MIER2: variants seen among roughly 807,000 people sequenced by gnomAD.
MIER2 encodes MIER family member 2, also known as mesoderm induction early response protein 2.
In MIER2, 30 loss-of-function variants were observed where a neutral mutation model predicts 67.6. The ratio of observed to expected loss-of-function variants is 0.44; its 90% CI spans 0.33 to 0.60. The LOEUF is 0.60. Among genes scored for constraint, MIER2 ranks in the 20% least tolerant of loss-of-function variants. The pLI, the probability that MIER2 is intolerant of heterozygous loss-of-function variation, is 0.02. For synonymous variants in MIER2, 372 were observed against 312.6 expected, an observed-to-expected ratio of 1.19 and a Z score of -2.00; for missense variants, 702 against 745.1, an observed-to-expected ratio of 0.94 and a Z score of 0.67.
chr19:311,215 G>A (rs1600114611), intron 10 of MIER2, among the ~76,000 whole-genome samples: 1 of 152,256 alleles, frequency 6.6e-6, no homozygotes, highest in Non-Finnish European at 1.5e-5. Flanking sequence ...CAGAGGCGGA[G>A]AAGCCACTGG....
intron 1 of MIER2, among the ~76,000 whole-genome samples, chr19:339,809 G>A (rs1240707139): frequency 2.6e-5 from 4 of 152,096 alleles, no homozygotes; most frequent in Non-Finnish European, 4.4e-5. Context: ...GAAAGGGGCT[G>A]GGAGTTGATC....
At chr19:336,989 C>T (rs1013590709) in intron 1 of MIER2, among the ~76,000 whole-genome samples, 8 of 152,016 alleles carry the variant, frequency 5.3e-5, no homozygotes, top group Non-Finnish European at 7.4e-5. Flanking sequence ...ACTACAGGTG[C>T]GCACCACCAC....
intron 7 of MIER2, among the ~76,000 whole-genome samples, chr19:322,356 T>A (rs1259829591): frequency 6.6e-6 from 1 of 152,072 alleles, no homozygotes; most frequent in Non-Finnish European, 1.5e-5. Context: ...ACATTATTAT[T>A]CAAATAATGA....
intron 1 of MIER2, among the ~76,000 whole-genome samples, chr19:343,428 C>T (rs969429326): frequency 6.6e-6 from 1 of 152,212 alleles, no homozygotes; most frequent in Non-Finnish European, 1.5e-5. Context: ...TCTCCCTAAG[C>T]GTCTCAAGAA....
At chr19:327,489 G>A (rs1239619866) in intron 4 of MIER2, among the ~76,000 whole-genome samples, 2 of 152,338 alleles carry the variant, frequency 1.3e-5, no homozygotes, top group East Asian at 1.9e-4. Flanking sequence ...CTGGGCACAC[G>A]CCCGGAGTGC....
At chr19:335,923 C>A (rs1972231157) in intron 2 of MIER2, among the ~76,000 whole-genome samples, 160 bp downstream of exon 2, 1 of 152,184 alleles carries the variant, frequency 6.6e-6, no homozygotes, top group Non-Finnish European at 1.5e-5. Flanking sequence ...CCTGACCACT[C>A]TGCCCCACAG....
chr19:334,188 C>T (rs1972140415), intron 3 of MIER2: 1 of 593,368 alleles, frequency 1.7e-6, no homozygotes, highest in Non-Finnish European at 2.9e-6. Context: ...TTGAGAGCAG[C>T]TGGCTTAATC....
chr19:334,208 C>G (rs1046435584), intron 3 of MIER2, 192 bp downstream of exon 3: 4 of 713,104 alleles, frequency 5.6e-6, no homozygotes, highest in Non-Finnish European at 9.2e-6. Context: ...CCTTGACCAC[C>G]GTGCTGCTCA....
At chr19:342,344 C>T (rs926682590) in intron 1 of MIER2, among the ~76,000 whole-genome samples, 2 of 152,000 alleles carry the variant, frequency 1.3e-5, no homozygotes, top group African/African-American at 4.8e-5. Context: ...GAAAACAGGG[C>T]GCACGGGCTC....
rs912799363 is a variant in MIER2 at position 308,229 on chromosome 19, T to C, written c.1198+348A>G. 3.9e-5 allele frequency among the ~76,000 whole-genome samples: 6 copies of C among 152,138 alleles called. No homozygotes were observed. Among genetic ancestry groups the C allele is most frequent in the African/African-American group, 1.4e-4 (6 of 41,432 alleles). ...CTCCGGACACCCTGTCCTTCCTGAGTGTCCTGGTGACGGGCTAAGTCCCCA... is the reference window on the plus strand; with the variant it reads ...CTCCGGACACCCTGTCCTTCCTGAGCGTCCTGGTGACGGGCTAAGTCCCCA... On this transcript the variant is annotated intron_variant, in intron 12 of 13. Coordinates refer to ENST00000264819, the MANE Select transcript of MIER2 (RefSeq NM_017550.3). The surrounding 1 kb of genome is among the most constrained non-coding windows in gnomAD (Gnocchi z 9.1).
chr19:335,642 G>C (rs1472272018), intron 2 of MIER2, among the ~76,000 whole-genome samples: 1 of 152,198 alleles, frequency 6.6e-6, no homozygotes, highest in Non-Finnish European at 1.5e-5. Flanking sequence ...CAGGTGGCTG[G>C]CAGGCGGGCA....
intron 1 of MIER2, among the ~76,000 whole-genome samples, chr19:339,551 A>G (rs1253503226): frequency 2.6e-5 from 4 of 152,246 alleles, no homozygotes; most frequent in Non-Finnish European, 5.9e-5. Flanking sequence ...CAATTCCTCC[A>G]AAAGTTAAAT....
chr19:332,432 G>A (rs1180224242), intron 3 of MIER2, among the ~76,000 whole-genome samples: 1 of 151,288 alleles, frequency 6.6e-6, no homozygotes, highest in African/African-American at 2.4e-5. Flanking sequence ...CCCTTTGAGT[G>A]CTGGGATTAC....
At chr19:337,595 G>A (rs937849891) in intron 1 of MIER2, among the ~76,000 whole-genome samples, 2 of 151,956 alleles carry the variant, frequency 1.3e-5, no homozygotes, top group Non-Finnish European at 2.9e-5. Flanking sequence ...AGCCGGGCAC[G>A]GTGGCTCACG....
Position 312,039 on chromosome 19 carries a change from G to A in MIER2, c.890-100C>T, listed in dbSNP as rs551799480. On this transcript the variant is annotated intron_variant, in intron 9 of 13. Transcript: ENST00000264819. The stretch of plus-strand genomic sequence containing the variant: ...GAGAACAGTCAGCGGCGCCCAGGGC[G>A]GGGCCGCAGCGGAAGGAAGGCCCAG... The A allele has an allele frequency of 2.3e-5, 27 of 1,186,182 alleles. 1 individual carries two copies. Among genetic ancestry groups the A allele is most frequent in the South Asian group, 3.1e-5 (2 of 64,614 alleles). 73.5% of individuals were successfully genotyped at this position (1,186,182 alleles called of 1,614,324 possible). A position where few individuals can be genotyped will look rare whatever the true frequency, so the allele number is the denominator to read the frequency against.
intron 7 of MIER2, among the ~76,000 whole-genome samples, chr19:324,953 G>C (rs1600146952): frequency 6.6e-6 from 1 of 152,362 alleles, no homozygotes. Context: ...AGCCCCAGGA[G>C]GACGACTTCT....
At chr19:341,767 A>G (rs761412351) in intron 1 of MIER2, among the ~76,000 whole-genome samples, 1 of 152,184 alleles carries the variant, frequency 6.6e-6, no homozygotes, top group Non-Finnish European at 1.5e-5. Context: ...CAACAAAAAA[A>G]GCAAAGGAAG....
In MIER2 at chr19:344,758, C is replaced by T. The variant is rs1161597606; in HGVS notation, c.9+16G>A. ...CGCGGGGGCGGGGGGCCGGCTCCCC[C>T]GGCCCGCTCACTCACCTCCGCCATG... On this transcript the variant is annotated intron_variant, in intron 1 of 13. Transcript: ENST00000264819. 5.9e-6 allele frequency: 7 copies of T among 1,180,710 alleles called. No individual in the cohort carries two copies. Among genetic ancestry groups the T allele is most frequent in the African/African-American group, 4.8e-5 (3 of 62,208 alleles). 73.1% of individuals were successfully genotyped at this position (1,180,710 alleles called of 1,614,324 possible).
chr19:340,280 G>A (rs888850127), intron 1 of MIER2, among the ~76,000 whole-genome samples: 2 of 152,162 alleles, frequency 1.3e-5, no homozygotes, highest in African/African-American at 4.8e-5. Context: ...GTTGACCCTT[G>A]AACAACGCAG....
Sources: gnomAD v4.1 joint callset for allele counts (sites outside exome capture counted in the v4.1 genomes callset) on GRCh38, gnomAD v4.1.1 for gene constraint, Gnocchi (gnomAD v3.1) non-coding constraint, MANE v1.5 for transcripts, NCBI Gene and HGNC (gene_info 2026-07-23, HGNC 2026-07-21) for gene names.